ASPH: variants seen among roughly 807,000 people sequenced by gnomAD.
ASPH encodes the protein aspartate beta-hydroxylase.
In ASPH, 100 loss-of-function variants were observed where a neutral mutation model predicts 118.4. The observed-to-expected ratio is 0.84, with a 90% CI of 0.72 to 1.00. ASPH has a LOEUF of 1.00. Ranked by LOEUF, ASPH falls within the 50% of genes least tolerant of loss-of-function variation. The pLI, the probability that ASPH is intolerant of heterozygous loss-of-function variation, is 0.00. For synonymous variants in ASPH, 315 were observed against 325.6 expected, an observed-to-expected ratio of 0.97 and a Z score of 0.35; for missense variants, 920 against 919.5, an observed-to-expected ratio of 1.00 and a Z score of -0.01.
chr8:61,658,179 G>A (rs1216818025), intron 3 of ASPH: 1 of 152,160 alleles, frequency 6.6e-6, no homozygotes, highest in African/African-American at 2.4e-5. Context: ...AGTGAATACA[G>A]ATCTTCCTCA....
intron 1 of ASPH, 42 bp from the exon 2 acceptor site, chr8:61,684,230 T>C (rs1829514001): frequency 6.4e-6 from 10 of 1,560,120 alleles, no homozygotes; most frequent in Non-Finnish European, 8.7e-6. Context: ...AAGAAAACAT[T>C]TTACTGAACA....
At chr8:61,531,139 T>C (rs1208728183) in intron 21 of ASPH, among the ~76,000 whole-genome samples, 3 of 152,248 alleles carry the variant, frequency 2.0e-5, no homozygotes, top group Non-Finnish European at 4.4e-5. Flanking sequence ...ATGCACTTCA[T>C]ACTATTTCTT....
At chr8:61,519,676 G>GGGA (rs10625701) in intron 22 of ASPH, among the ~76,000 whole-genome samples, 148,094 of 152,130 alleles carry the variant, frequency 0.97, 72,091 homozygotes, top group East Asian at 1. Flanking sequence ...CCTTAAATGT[G>GGGA]GGAGGAGGCA....
chr8:61,564,661 C>A (rs62506125), intron 17 of ASPH, among the ~76,000 whole-genome samples: 2 of 152,188 alleles, frequency 1.3e-5, no homozygotes, highest in African/African-American at 4.8e-5. Flanking sequence ...CCCGGCCCTG[C>A]CTTTTCTGTG....
chr8:61,574,978 C>A (rs4738909), intron 16 of ASPH, among the ~76,000 whole-genome samples: 83,105 of 152,050 alleles, frequency 0.55, 26,074 homozygotes, highest in Non-Finnish European at 0.7. Flanking sequence ...GCCCTTCTTT[C>A]TTTCCTCAGG....
intron 22 of ASPH, among the ~76,000 whole-genome samples, chr8:61,524,440 T>C (rs147626461): frequency 8.6e-4 from 131 of 152,172 alleles, no homozygotes; most frequent in African/African-American, 3.1e-3. Flanking sequence ...ATCATAATCA[T>C]GTAAGTGAGA....
chr8:61,531,205 C>A (rs554831934), intron 21 of ASPH, among the ~76,000 whole-genome samples: 1 of 152,218 alleles, frequency 6.6e-6, no homozygotes, highest in African/African-American at 2.4e-5. Flanking sequence ...CTACCTTTTG[C>A]CAAAAACATT....
chr8:61,654,235 A>G (rs1812513815), intron 3 of ASPH, among the ~76,000 whole-genome samples: 1 of 152,240 alleles, frequency 6.6e-6, no homozygotes. Flanking sequence ...CCCTTTTACA[A>G]GTCCTAATAA....
intron 24 of ASPH, among the ~76,000 whole-genome samples, chr8:61,506,198 T>C (rs1035480022): frequency 5.9e-5 from 9 of 152,194 alleles, no homozygotes; most frequent in African/African-American, 2.2e-4. Flanking sequence ...CAGAGGACAT[T>C]ATGTCAAGTA....
chr8:61,639,023 A>C (rs920059903), intron 10 of ASPH, among the ~76,000 whole-genome samples: 1 of 152,200 alleles, frequency 6.6e-6, no homozygotes, highest in Non-Finnish European at 1.5e-5. Context: ...TCATTTAATA[A>C]AGAAAAATTA....
intron 18 of ASPH, among the ~76,000 whole-genome samples, chr8:61,558,795 T>C (rs1434158290): frequency 2.0e-5 from 3 of 152,216 alleles, no homozygotes; most frequent in Non-Finnish European, 4.4e-5. Flanking sequence ...AGTGGTTTTA[T>C]GAGATTTCTA....
chr8:61,614,693 T>C (rs1264784921), intron 14 of ASPH, among the ~76,000 whole-genome samples: 3 of 152,158 alleles, frequency 2.0e-5, no homozygotes, highest in Non-Finnish European at 4.4e-5. Context: ...CATCTCACTA[T>C]GTGGCCCAGG....
chr8:61,504,913 G>T (rs1030106362), intron 24 of ASPH, among the ~76,000 whole-genome samples: 10 of 152,182 alleles, frequency 6.6e-5, no homozygotes, highest in South Asian at 2.1e-4. Context: ...CTGAAGTTGG[G>T]AACTGAACCT....
At chr8:61,625,509 A>C in intron 13 of ASPH, 1 of 985,358 alleles carries the variant, frequency 1.0e-6, no homozygotes, top group Non-Finnish European at 1.2e-6. Context: ...GATTAATCTG[A>C]GGTGCCAACA....
intron 10 of ASPH, among the ~76,000 whole-genome samples, chr8:61,641,717 C>T (rs1296695677): frequency 6.6e-6 from 1 of 152,108 alleles, no homozygotes; most frequent in African/African-American, 2.4e-5. Flanking sequence ...TTGTGATTCA[C>T]TATCTATCAT....
chr8:61,594,513 T>G (rs886388595), intron 14 of ASPH, among the ~76,000 whole-genome samples: 5 of 152,230 alleles, frequency 3.3e-5, no homozygotes, highest in Non-Finnish European at 7.3e-5. Flanking sequence ...CTCAGCTACA[T>G]GTAAAGATTA....
intron 18 of ASPH, among the ~76,000 whole-genome samples, chr8:61,562,389 C>CTCTCTG (rs71257370): frequency 2.3e-5 from 3 of 128,994 alleles, no homozygotes; most frequent in Non-Finnish European, 3.2e-5. Context: ...GAAAGTGTGT[C>CTCTCTG]TGTGTGTGTG....
chr8:61,651,216 A>G (rs1810809063), intron 4 of ASPH, 92 bp from the exon 5 acceptor site: 2 of 1,026,796 alleles, frequency 1.9e-6, no homozygotes, highest in African/African-American at 1.6e-5. Flanking sequence ...CATACACATT[A>G]AAATGAATAT....
At chr8:61,519,541 A>G (rs1812186806) in intron 22 of ASPH, among the ~76,000 whole-genome samples, 1 of 152,342 alleles carries the variant, frequency 6.6e-6, no homozygotes, top group South Asian at 2.1e-4. Flanking sequence ...ATAACCTGTG[A>G]ATATGTTGTC....
Sources: allele counts gnomAD v4.1 joint callset (sites outside exome capture counted in the v4.1 genomes callset), GRCh38; gene constraint gnomAD v4.1.1; transcripts MANE v1.5; gene names NCBI Gene and HGNC (gene_info 2026-07-23, HGNC 2026-07-21).